The following LEF1 variants were observed in gnomAD, a reference collection of about 807,000 sequenced individuals.
LEF1 encodes lymphoid enhancer-binding factor 1.
LEF1 carries 14 observed loss-of-function variants against 51.2 expected under a neutral mutation model. The ratio of observed to expected loss-of-function variants is 0.27; its 90% CI spans 0.18 to 0.43. The LOEUF is 0.43. Among genes scored for constraint, LEF1 ranks in the 20% least tolerant of loss-of-function variants. LEF1 has a pLI of 1.00. For synonymous variants in LEF1, 185 were observed against 183.2 expected, an observed-to-expected ratio of 1.01 and a Z score of -0.08; for missense variants, 386 against 512.0, an observed-to-expected ratio of 0.75 and a Z score of 2.37.
chr4:108,137,790 C>T (rs1467206624), intron 3 of LEF1, among the ~76,000 whole-genome samples: 4 of 152,110 alleles, frequency 2.6e-5, no homozygotes, highest in Non-Finnish European at 5.9e-5. Flanking sequence ...ATGAATTGCA[C>T]ACTCATAGAC....
At chr4:108,111,891 C>T (rs1326682001) in intron 3 of LEF1, among the ~76,000 whole-genome samples, 1 of 152,138 alleles carries the variant, frequency 6.6e-6, no homozygotes, top group African/African-American at 2.4e-5. Context: ...GGGTGACAGA[C>T]TGAGAACCTG....
rs564835426 is a variant in LEF1 at position 108,099,410 on chromosome 4, C to A, written c.415-10153G>T. On this transcript the variant is annotated intron_variant, in intron 3 of 11. Transcript: ENST00000265165. The stretch of plus-strand genomic sequence containing the variant: ...AAAAGAACTCTTATGGGTAAAAAAA[C>A]TGAAAATCAGAGAAGGTAAGTGGCA... 6.6e-5 allele frequency among the ~76,000 whole-genome samples: 10 copies of A among 150,840 alleles called. No individual in the cohort carries two copies. In the South Asian group the frequency reaches 2.1e-3, roughly 32 times the overall value.
At chr4:108,099,441 G>A (rs964053133) in intron 3 of LEF1, among the ~76,000 whole-genome samples, 1 of 149,844 alleles carries the variant, frequency 6.7e-6, no homozygotes, top group East Asian at 2.0e-4. Flanking sequence ...TGGCAGAGCT[G>A]GTAATTTAAC....
At chr4:108,117,133 T>A (rs1311588504) in intron 3 of LEF1, among the ~76,000 whole-genome samples, 1 of 152,238 alleles carries the variant, frequency 6.6e-6, no homozygotes, top group Non-Finnish European at 1.5e-5. Flanking sequence ...AATCAACCCA[T>A]GTAAAACATT....
intron 3 of LEF1, among the ~76,000 whole-genome samples, chr4:108,120,594 T>C (rs55772027): frequency 0.013 from 1,957 of 152,356 alleles, 19 homozygotes; most frequent in Middle Eastern, 0.02. Context: ...GAACTTTTCC[T>C]ACTCTGTTAC....
At chr4:108,115,445 T>A (rs1741773966) in intron 3 of LEF1, among the ~76,000 whole-genome samples, 1 of 152,234 alleles carries the variant, frequency 6.6e-6, no homozygotes. Context: ...GTTCACATTA[T>A]TGGTCTTGCT....
At chr4:108,060,573 T>C (rs1737614008) in intron 11 of LEF1, among the ~76,000 whole-genome samples, 2 of 152,092 alleles carry the variant, frequency 1.3e-5, no homozygotes, top group African/African-American at 4.8e-5. Context: ...TGTCTTTCAT[T>C]TCTTTGCCAG....
At chr4:108,082,210 T>G (rs954764151) in intron 5 of LEF1, among the ~76,000 whole-genome samples, 1 of 152,232 alleles carries the variant, frequency 6.6e-6, no homozygotes, top group African/African-American at 2.4e-5. Context: ...CTCTCCACCC[T>G]GAGAAGTCCA....
At chr4:108,058,431 TAAGTC>T (rs1422941871) in intron 11 of LEF1, among the ~76,000 whole-genome samples, 1 of 152,318 alleles carries the variant, frequency 6.6e-6, no homozygotes, top group East Asian at 1.9e-4. Flanking sequence ...ATATAAATCT[TAAGTC>T]AGGAAGAAAG....
At chr4:108,166,605 C>A in intron 1 of LEF1, 1 of 1,090,694 alleles carries the variant, frequency 9.2e-7, no homozygotes, top group Non-Finnish European at 1.1e-6. Context: ...GGCCCTGCTC[C>A]GCGCTTTCTC....
chr4:108,090,543 A>C (rs963943730), intron 3 of LEF1, among the ~76,000 whole-genome samples: 2 of 152,216 alleles, frequency 1.3e-5, no homozygotes, highest in African/African-American at 4.8e-5. Context: ...TAACCTAATT[A>C]GTAAAATCAC....
chr4:108,120,375 G>A (rs922481287), intron 3 of LEF1, among the ~76,000 whole-genome samples: 1 of 152,142 alleles, frequency 6.6e-6, no homozygotes, highest in Non-Finnish European at 1.5e-5. Context: ...TGGCTTAATA[G>A]AAGACAACTA....
chr4:108,148,075 G>A (rs764297198), intron 3 of LEF1, among the ~76,000 whole-genome samples: 1 of 152,094 alleles, frequency 6.6e-6, no homozygotes, highest in Non-Finnish European at 1.5e-5. Flanking sequence ...TCTGGTGGTG[G>A]TACTAAATAA....
intron 3 of LEF1, among the ~76,000 whole-genome samples, chr4:108,101,800 CA>C (rs1195733590): frequency 1.3e-5 from 2 of 152,092 alleles, no homozygotes; most frequent in African/African-American, 2.4e-5. Flanking sequence ...GTCAGGAAAG[CA>C]AAAGAAAGAA....
intron 8 of LEF1, among the ~76,000 whole-genome samples, chr4:108,076,411 C>A (rs774439337): frequency 1.3e-5 from 2 of 152,162 alleles, no homozygotes; most frequent in Non-Finnish European, 2.9e-5. Context: ...TTCTGTTGCC[C>A]AGGCTAGAGA....
chr4:108,096,631 T>C (rs1314701184), intron 3 of LEF1, among the ~76,000 whole-genome samples: 2 of 151,846 alleles, frequency 1.3e-5, no homozygotes, highest in African/African-American at 4.8e-5. Context: ...GCAAAGGAAA[T>C]AGTCAACGAT....
At chr4:108,139,583 C>G (rs62310706) in intron 3 of LEF1, among the ~76,000 whole-genome samples, 2 of 152,240 alleles carry the variant, frequency 1.3e-5, no homozygotes, top group Non-Finnish European at 2.9e-5. Context: ...CCTGCTGGCC[C>G]TGCTGGCATT....
chr4:108,146,170 T>A (rs1255581137), intron 3 of LEF1, among the ~76,000 whole-genome samples: 1 of 152,250 alleles, frequency 6.6e-6, no homozygotes, highest in East Asian at 1.9e-4. Context: ...TGTTGCTTAG[T>A]CTTTGTCCAC....
chr4:108,079,646 C>CTACT (rs759922847), intron 6 of LEF1, 32 bp from the exon 7 acceptor site: 6 of 1,613,112 alleles, frequency 3.7e-6, no homozygotes, highest in Non-Finnish European at 5.1e-6. Flanking sequence ...AAACAATGTA[C>CTACT]TACTGGCTGT....
Sources: gnomAD v4.1 joint callset for allele counts (sites outside exome capture counted in the v4.1 genomes callset) on GRCh38, gnomAD v4.1.1 for gene constraint, MANE v1.5 for transcripts, NCBI Gene and HGNC (gene_info 2026-07-23, HGNC 2026-07-21) for gene names.